GADL1: variants seen among roughly 807,000 people sequenced by gnomAD.
GADL1 encodes the protein acidic amino acid decarboxylase GADL1.
GADL1 carries 71 observed loss-of-function variants against 69.5 expected under a neutral mutation model. That is an observed-to-expected ratio of 1.02 (90% CI 0.84 to 1.25). The LOEUF (loss-of-function observed/expected upper bound fraction) is 1.25, where lower values mean the gene tolerates loss of function less well. Ranked by LOEUF, GADL1 falls within the 50% of genes most tolerant of loss-of-function variation. GADL1 has a pLI of 0.00. For missense variants in GADL1, 737 were observed against 631.8 expected (o/e 1.17, Z -1.79); for synonymous variants, 254 against 214.4 (o/e 1.18, Z -1.62).
rs1308068406 is a variant in GADL1 at position 30,740,087 on chromosome 3, C to T, written c.1393-11672G>A. 4.6e-5 allele frequency among the ~76,000 whole-genome samples: 7 copies of T among 152,140 alleles called. No homozygotes were observed. The East Asian group carries it at 1.3e-3, about 29-fold the overall frequency. On this transcript the variant is annotated intron_variant, in intron 14 of 14. Coordinates refer to ENST00000282538, the MANE Select transcript of GADL1 (RefSeq NM_207359.3). ...ATTGTGTCCAGGGGGCTACAGGCTA[C>T]AGAGGGATAGAGGGGCTCCCACAAG...
intron 1 of GADL1, among the ~76,000 whole-genome samples, chr3:30,876,424 C>T (rs1228831705): frequency 4.6e-5 from 7 of 151,962 alleles, no homozygotes; most frequent in Non-Finnish European, 7.4e-5. Flanking sequence ...GGTGTAAAGA[C>T]GCCGATCATG....
intron 14 of GADL1, among the ~76,000 whole-genome samples, chr3:30,759,787 C>T (rs1412500966): frequency 6.6e-6 from 1 of 152,224 alleles, no homozygotes; most frequent in Non-Finnish European, 1.5e-5. Flanking sequence ...ATTTGGCTAA[C>T]TGTAGCATAG....
At chr3:30,793,111 G>C (rs1379047437) in intron 12 of GADL1, among the ~76,000 whole-genome samples, 1 of 152,112 alleles carries the variant, frequency 6.6e-6, no homozygotes, top group East Asian at 1.9e-4. Context: ...GCATCTCCCA[G>C]ACACATTTAA....
At chr3:30,753,229 T>G (rs1481389110) in intron 14 of GADL1, among the ~76,000 whole-genome samples, 2 of 152,166 alleles carry the variant, frequency 1.3e-5, no homozygotes, top group East Asian at 3.8e-4. Context: ...CTTCAGATTG[T>G]GTGAATGGAG....
chr3:30,849,484 C>T (rs546325021), intron 6 of GADL1, among the ~76,000 whole-genome samples: 105 of 152,020 alleles, frequency 6.9e-4, no homozygotes, highest in Non-Finnish European at 1.3e-3. Flanking sequence ...TACTGTCTGA[C>T]CCACCTACTT....
chr3:30,877,663 T>G (rs1698595140), intron 1 of GADL1, among the ~76,000 whole-genome samples: 1 of 151,832 alleles, frequency 6.6e-6, no homozygotes, highest in Admixed American at 6.6e-5. Flanking sequence ...CAACACAAAG[T>G]ATTAAAAGAT....
chr3:30,889,546 T>C (rs1018628122), intron 1 of GADL1, among the ~76,000 whole-genome samples: 1 of 152,214 alleles, frequency 6.6e-6, no homozygotes, highest in Non-Finnish European at 1.5e-5. Context: ...AAGTTAACCA[T>C]GACTTACAGC....
At chr3:30,740,933 T>C (rs1695608198) in intron 14 of GADL1, among the ~76,000 whole-genome samples, 1 of 138,202 alleles carries the variant, frequency 7.2e-6, no homozygotes, top group Non-Finnish European at 1.5e-5. Context: ...AACAAATATA[T>C]TATATTTGAT....
At chr3:30,804,361 G>C (rs933573227) in intron 11 of GADL1, among the ~76,000 whole-genome samples, 8 of 152,154 alleles carry the variant, frequency 5.3e-5, no homozygotes, top group African/African-American at 1.7e-4. Context: ...ATGACAAAGA[G>C]ACAACTTCTG....
intron 14 of GADL1, among the ~76,000 whole-genome samples, chr3:30,743,583 C>T (rs1695656718): frequency 1.3e-5 from 2 of 152,178 alleles, no homozygotes; most frequent in Admixed American, 6.5e-5. Flanking sequence ...ATAGCCCATC[C>T]AGAGGAGTGG....
At chr3:30,797,550 T>G (rs1168285716) in intron 12 of GADL1, 1 of 152,198 alleles carries the variant, frequency 6.6e-6, no homozygotes, top group Non-Finnish European at 1.5e-5. Context: ...AAAACTGAGG[T>G]GCAGAGAGAC....
At chr3:30,763,722 T>C (rs555281850) in intron 14 of GADL1, among the ~76,000 whole-genome samples, 13 of 152,258 alleles carry the variant, frequency 8.5e-5, no homozygotes, top group African/African-American at 2.6e-4. Context: ...GTTTCTCACA[T>C]TGTAAAGTTG....
intron 12 of GADL1, among the ~76,000 whole-genome samples, chr3:30,790,193 T>C (rs1033609361): frequency 6.6e-6 from 1 of 152,168 alleles, no homozygotes; most frequent in Non-Finnish European, 1.5e-5. Context: ...TTGATATTGC[T>C]GTGTCTCAGG....
chr3:30,814,623 T>C (rs528778845), intron 11 of GADL1, among the ~76,000 whole-genome samples: 18 of 152,242 alleles, frequency 1.2e-4, no homozygotes, highest in South Asian at 6.2e-4. Context: ...TTAGACCCCA[T>C]GCTTTAAGAC....
intron 11 of GADL1, among the ~76,000 whole-genome samples, chr3:30,811,250 A>T (rs1697349662): frequency 6.6e-6 from 1 of 152,326 alleles, no homozygotes; most frequent in East Asian, 1.9e-4. Context: ...CTGAACTAAG[A>T]TATTTTTAGA....
rs1265927628 is a variant in GADL1, at chr3:30,834,273, C to A, written c.912G>T (p.Trp304Cys). ...HSLWLHVDAS[W>C]GGSALMSRKH... Reference sequence around the variant, plus strand: ...TCCTCGACATCAAAGCTGAGCCACCCCAAGAAGCCTGTTGAGATATTTACA... The same window carrying A: ...TCCTCGACATCAAAGCTGAGCCACCACAAGAAGCCTGTTGAGATATTTACA... Residue 304 changes from tryptophan (W) to cysteine (C), a missense_variant, in exon 10 of 15, where the codon TGG becomes TGT. Trp to Cys is a radical substitution (Grantham distance 215). Coordinates refer to ENST00000282538, the MANE Select transcript of GADL1 (RefSeq NM_207359.3). The A allele has an allele frequency of 5.0e-6, 8 of 1,612,268 alleles. No homozygotes were observed. In the East Asian group the frequency reaches 6.7e-5, roughly 13 times the overall value.
chr3:30,786,306 CATCACTG>C (rs763825202), intron 13 of GADL1, 42 bp downstream of exon 13: 1 of 1,132,894 alleles, frequency 8.8e-7, no homozygotes, highest in Admixed American at 1.7e-5. Context: ...TTACCACCTT[CATCACTG>C]TTAACTGACA....
intron 14 of GADL1, among the ~76,000 whole-genome samples, chr3:30,754,138 C>CT (rs1417185807): frequency 6.6e-6 from 1 of 152,172 alleles, no homozygotes; most frequent in Non-Finnish European, 1.5e-5. Flanking sequence ...AGTAAAAACC[C>CT]TTTTAAGAAA....
At chr3:30,849,932 A>G in intron 6 of GADL1, 64 bp downstream of exon 6, 1 of 955,134 alleles carries the variant, frequency 1.0e-6, no homozygotes, top group Non-Finnish European at 1.7e-6. Context: ...GGAATCTTCA[A>G]ACAAAGCCCT....
Sources: gnomAD v4.1 joint callset for allele counts (sites outside exome capture counted in the v4.1 genomes callset) on GRCh38, gnomAD v4.1.1 for gene constraint, MANE v1.5 for transcripts, NCBI Gene and HGNC (gene_info 2026-07-23, HGNC 2026-07-21) for gene names.